The following TNC variants were observed in gnomAD, a reference collection of about 807,000 sequenced individuals.
TNC encodes tenascin.
Under a neutral mutation model 202.4 loss-of-function variants are expected in TNC, and 109 were observed. The observed-to-expected ratio is 0.54, with a 90% CI of 0.46 to 0.63. The LOEUF is 0.63. Ranked by LOEUF, TNC falls within the 30% of genes least tolerant of loss-of-function variation. TNC has a pLI of 0.00. For missense variants in TNC, 2,756 were observed against 2,833.3 expected, an observed-to-expected ratio of 0.97 and a Z score of 0.62; for synonymous variants, 1,007 against 1,089.7, an observed-to-expected ratio of 0.92 and a Z score of 1.50.
At chr9:115,068,605 T>C (rs1833128308) in intron 10 of TNC, among the ~76,000 whole-genome samples, 2 of 152,202 alleles carry the variant, frequency 1.3e-5, no homozygotes, top group Admixed American at 1.3e-4. Flanking sequence ...ATTCGGTGAT[T>C]TCTTTGTAAC....
At chr9:115,077,784 TA>T (rs1425659163) in intron 7 of TNC, among the ~76,000 whole-genome samples, 158 bp downstream of exon 7, 1 of 152,218 alleles carries the variant, frequency 6.6e-6, no homozygotes, top group Non-Finnish European at 1.5e-5. Context: ...AAAAATTAAT[TA>T]ATAAATTGCT....
chr9:115,031,634 G>C lies in TNC; in HGVS notation c.5839C>G (p.Pro1947Ala). ...TTSYSLADLSPSTHYTAKIQA... is the reference protein window; with the variant it reads ...TTSYSLADLSASTHYTAKIQA... ...ATCTTGGCTGTGTAGTGGGTGGATG[G>C]GCTCAGGTCTGCCAGGCTGTAGGAG... The change falls in exon 23 of 28, where the codon CCA becomes GCA. Residue 1947 changes from proline (P) to alanine (A), a missense_variant. Pro to Ala is a conservative substitution (Grantham distance 27). Coordinates refer to ENST00000350763, the MANE Select transcript of TNC (RefSeq NM_002160.4). 1 of 1,612,534 alleles carries C rather than the reference G, an allele frequency of 6.2e-7. No homozygotes were observed. The highest frequency in any genetic ancestry group is 1.1e-5 in the South Asian group (1 of 90,742).
rs1002870815 is a variant in TNC, at chr9:115,082,305, G to A, written c.2248-377C>T. Among the ~76,000 whole-genome samples the A allele has an allele frequency of 3.3e-5, 5 of 152,192 alleles. No individual in the cohort carries two copies. In the South Asian group the frequency reaches 1.0e-3, roughly 31 times the overall value. Reference sequence around the variant, plus strand: ...GGCAGAGCCTGGGCTTAAATTCAGAGAACAAGTTCCCTGCTTCACATGTAC... The same window carrying A: ...GGCAGAGCCTGGGCTTAAATTCAGAAAACAAGTTCCCTGCTTCACATGTAC... On this transcript the variant is annotated intron_variant, in intron 5 of 27. Coordinates refer to ENST00000350763, the MANE Select transcript of TNC (RefSeq NM_002160.4).
Position 115,046,620 on chromosome 9 carries a change from A to G in TNC, c.4915T>C (p.Ser1639Pro), listed in dbSNP as rs767765842. ...AAGACCCCTTCATCAGCTGTCCAGG[A>G]CAGACGGAAACCGTCTGGGGTGGCA... ...SDATPDGFRLSWTADEGVFDN... is the reference protein window; with the variant it reads ...SDATPDGFRLPWTADEGVFDN... The change falls in exon 17 of 28, where the codon TCC (serine) becomes CCC (proline). Residue 1639 changes from serine to proline, a missense_variant. By Grantham distance (74) the Ser-to-Pro change is moderately conservative. Coordinates refer to ENST00000350763, the MANE Select transcript of TNC (RefSeq NM_002160.4). 4 of 1,613,844 alleles carry G rather than the reference A, an allele frequency of 2.5e-6. No individual in the cohort carries two copies. Among genetic ancestry groups the G allele is most frequent in the African/African-American group, 2.7e-5 (2 of 74,880 alleles).
intron 22 of TNC, among the ~76,000 whole-genome samples, chr9:115,034,061 C>T (rs556281441): frequency 1.3e-5 from 2 of 152,318 alleles, no homozygotes; most frequent in African/African-American, 4.8e-5. Context: ...TCTAAGATCT[C>T]CTCATTCCCT....
At chr9:115,093,412 G>T (rs1470234565) in intron 1 of TNC, among the ~76,000 whole-genome samples, 3 of 152,276 alleles carry the variant, frequency 2.0e-5, no homozygotes, top group African/African-American at 7.2e-5. Flanking sequence ...CTAACAATGT[G>T]TGGGTCTGTA....
At chr9:115,092,998 G>T (rs1231479275) in intron 1 of TNC, among the ~76,000 whole-genome samples, 1 of 152,112 alleles carries the variant, frequency 6.6e-6, no homozygotes, top group Non-Finnish European at 1.5e-5. Flanking sequence ...GTGGTGCTTG[G>T]ATTATTCAGC....
At chr9:115,033,278 A>G (rs1830080205) in intron 22 of TNC, among the ~76,000 whole-genome samples, 1 of 152,168 alleles carries the variant, frequency 6.6e-6, no homozygotes, top group Non-Finnish European at 1.5e-5. Flanking sequence ...GTAAACTGGG[A>G]TGAGTGCTCA....
At chr9:115,062,653 A>G (rs2132600155) in intron 13 of TNC, among the ~76,000 whole-genome samples, 1 of 151,130 alleles carries the variant, frequency 6.6e-6, no homozygotes, top group Non-Finnish European at 1.5e-5. Context: ...ACACACACAT[A>G]TATATATATA....
chr9:115,070,749 T>A (rs1247639298), intron 10 of TNC, among the ~76,000 whole-genome samples: 8 of 152,248 alleles, frequency 5.3e-5, no homozygotes, highest in Middle Eastern at 3.2e-3. Flanking sequence ...GGAAGGTTCT[T>A]GCTTCTGATG....
rs148009776 is a variant in TNC at position 115,101,631 on chromosome 9, A to G, written c.-136-10477T>C. Reference sequence around the variant, plus strand: ...CAATAGCAAGAGTATAAATGTTAACATTCTTTCAAGAGCGAAATGCTATTT... The same window carrying G: ...CAATAGCAAGAGTATAAATGTTAACGTTCTTTCAAGAGCGAAATGCTATTT... On this transcript the variant is annotated intron_variant, in intron 1 of 27. Transcript: ENST00000350763. Among the ~76,000 whole-genome samples the G allele has an allele frequency of 2.6e-4, 40 of 152,364 alleles. No individual in the cohort carries two copies. The East Asian group carries it at 7.7e-3, about 29-fold the overall frequency.
chr9:115,097,362 G>A lies in TNC; in HGVS notation c.-136-6208C>T, dbSNP rs78863625. On this transcript the variant is annotated intron_variant, in intron 1 of 27. Transcript: ENST00000350763. ...CACATTAAGGTGTGCTTAATATGTG[G>A]TAGCTAATGATAGCAGCAGCGGTAA... Among the ~76,000 whole-genome samples, 3,555 of 152,274 alleles carry A rather than the reference G, an allele frequency of 0.023. 408 individuals are homozygous for A. The East Asian group carries it at 0.39, about 17-fold the overall frequency.
intron 1 of TNC, among the ~76,000 whole-genome samples, chr9:115,114,157 G>A (rs1018886634): frequency 6.6e-6 from 1 of 152,178 alleles, no homozygotes; most frequent in African/African-American, 2.4e-5. Context: ...TCCTTGGAAG[G>A]GAGCCTTCAT....
At chr9:115,024,276 TG>T in intron 26 of TNC, 140 bp from the exon 27 acceptor site, 1 of 806,844 alleles carries the variant, frequency 1.2e-6, no homozygotes, top group Non-Finnish European at 2.0e-6. Context: ...GAGTCAGCAT[TG>T]AATGCGGAAC....
In TNC at chr9:115,020,964, G is replaced by A. The variant is rs1564393946; in HGVS notation, c.*193C>T. On this transcript the variant is annotated 3_prime_UTR_variant, in exon 28 of 28. Transcript: ENST00000350763. The stretch of plus-strand genomic sequence containing the variant: ...AAACATGTTGGAGACTGATGTCTTT[G>A]GTGCAAAGAAAGAAATCACAGAGGA... The A allele has an allele frequency of 1.8e-6, 1 of 550,834 alleles. No homozygotes were observed. Among genetic ancestry groups the A allele is most frequent in the Admixed American group, 3.5e-5 (1 of 28,682 alleles). 34.1% of individuals were successfully genotyped at this position (550,834 alleles called of 1,614,324 possible).
chr9:115,041,685 C>A (rs1564426163), intron 18 of TNC, among the ~76,000 whole-genome samples: 1 of 152,200 alleles, frequency 6.6e-6, no homozygotes, highest in Non-Finnish European at 1.5e-5. Flanking sequence ...TCTCTTTATA[C>A]ACTTTCAGCA....
In TNC at chr9:115,091,123, G is replaced by C; in HGVS notation, c.-105C>G. The stretch of plus-strand genomic sequence containing the variant: ...GAAGCACAGAGTAGACTTCAAATCA[G>C]TTGTCCCTGATCTTCTTGAAAGAAT... On this transcript the variant is annotated 5_prime_UTR_variant, in exon 2 of 28. Transcript: ENST00000350763. 1.2e-6 allele frequency: 1 copy of C among 860,098 alleles called. No homozygotes were observed. Among genetic ancestry groups the C allele is most frequent in the South Asian group, 1.7e-5 (1 of 58,780 alleles). 53.3% of individuals were successfully genotyped at this position (860,098 alleles called of 1,614,324 possible).
rs183366315 is a variant in TNC, at chr9:115,088,013, T to G, written c.458-740A>C. ...CCACCACGACTGGCCACTATGTTAT[T>G]ATTTCTTTAGTGCCTCATCAAGGCC... On this transcript the variant is annotated intron_variant, in intron 2 of 27. Transcript: ENST00000350763. Among the ~76,000 whole-genome samples, 5 of 152,372 alleles carry G rather than the reference T, an allele frequency of 3.3e-5. No individual in the cohort carries two copies. In the East Asian group the frequency reaches 9.6e-4, roughly 29 times the overall value.
intron 6 of TNC, among the ~76,000 whole-genome samples, chr9:115,079,994 C>T (rs370924910): frequency 1.2e-3 from 185 of 152,280 alleles, no homozygotes; most frequent in African/African-American, 4.1e-3. Flanking sequence ...GCCGTGGCGG[C>T]TCATGCCTGT....
Sources: allele counts gnomAD v4.1 joint callset (sites outside exome capture counted in the v4.1 genomes callset), GRCh38; gene constraint gnomAD v4.1.1; transcripts MANE v1.5; gene names NCBI Gene and HGNC (gene_info 2026-07-23, HGNC 2026-07-21).